The following MRAP2 variants were observed in gnomAD, a reference collection of about 807,000 sequenced individuals.
MRAP2 encodes the protein melanocortin-2 receptor accessory protein 2.
Under a neutral mutation model 17.4 loss-of-function variants are expected in MRAP2, and 20 were observed. That is an observed-to-expected ratio of 1.15 (90% confidence interval 0.81 to 1.67). The LOEUF is 1.67. MRAP2 is among the 40% of genes most tolerant of loss of function. The pLI, the probability that MRAP2 is intolerant of heterozygous loss-of-function variation, is 0.00. For synonymous variants in MRAP2, 96 were observed against 88.4 expected, an observed-to-expected ratio of 1.09 and a Z score of -0.48; for missense variants, 238 against 240.0, an observed-to-expected ratio of 0.99 and a Z score of 0.05.
the MRAP2 span, among the ~76,000 whole-genome samples, chr6:84,125,520 T>C: frequency 1.1e-4 from 17 of 152,072 alleles, no homozygotes; most frequent in African/African-American, 3.6e-4. Flanking sequence ...TGTGACTGTA[T>C]GTGGAGTAAG....
chr6:84,108,819 A>T, the MRAP2 span, among the ~76,000 whole-genome samples: 1 of 152,250 alleles, frequency 6.6e-6, no homozygotes, highest in East Asian at 1.9e-4. Context: ...ATTTACATTT[A>T]AGTCTTTAAT....
the MRAP2 span, among the ~76,000 whole-genome samples, chr6:84,106,911 G>A: frequency 9.1e-3 from 1,380 of 152,206 alleles, 15 homozygotes; most frequent in South Asian, 0.02. Context: ...TATGGTCAAG[G>A]GTTCAGTTTC....
intron 2 of MRAP2, among the ~76,000 whole-genome samples, chr6:84,056,755 A>G (rs2099491817): frequency 6.6e-6 from 1 of 152,188 alleles, no homozygotes; most frequent in Non-Finnish European, 1.5e-5. Flanking sequence ...CTGCTTGGTG[A>G]CATCAACTTT....
At chr6:84,100,798 A>G in the MRAP2 span, among the ~76,000 whole-genome samples, 1 of 152,196 alleles carries the variant, frequency 6.6e-6, no homozygotes, top group South Asian at 2.1e-4. Context: ...TAAACCTTTC[A>G]AGATCAGGAA....
At chr6:84,129,069 A>G in the MRAP2 span, among the ~76,000 whole-genome samples, 6 of 152,056 alleles carry the variant, frequency 3.9e-5, no homozygotes, top group Non-Finnish European at 8.8e-5. Context: ...TATGTGCCAC[A>G]TTGTCTTTAT....
chr6:84,055,506 C>G (rs1204343869), intron 2 of MRAP2, 61 bp downstream of exon 2: 2 of 1,515,824 alleles, frequency 1.3e-6, no homozygotes, highest in Non-Finnish European at 1.8e-6. Flanking sequence ...CTGTGAAATC[C>G]CCAAGGATTA....
At chr6:84,114,488 A>T in the MRAP2 span, among the ~76,000 whole-genome samples, 1 of 151,780 alleles carries the variant, frequency 6.6e-6, no homozygotes, top group East Asian at 1.9e-4. Flanking sequence ...ACCTTTTTTC[A>T]AGGTTCTTAG....
intron 1 of MRAP2, among the ~76,000 whole-genome samples, chr6:84,046,139 G>A (rs1256585788): frequency 1.3e-5 from 2 of 152,182 alleles, no homozygotes; most frequent in Non-Finnish European, 2.9e-5. Context: ...CCTTTATTGT[G>A]AAATTATATC....
At chr6:84,055,583 A>C in intron 2 of MRAP2, 138 bp downstream of exon 2, 2 of 815,860 alleles carry the variant, frequency 2.5e-6, no homozygotes, top group Non-Finnish European at 3.8e-6. Context: ...TCTACAAAAC[A>C]TCTCGCCTCC....
chr6:84,123,253 C>CAAAAAAAAAAAAAAAAAAAAAAAAAAAA, the MRAP2 span, among the ~76,000 whole-genome samples: 1 of 119,444 alleles, frequency 8.4e-6, no homozygotes, highest in South Asian at 2.7e-4. Flanking sequence ...CGCCCAACTC[C>CAAAAAAAAAAAAAAAAAAAAAAAAAAAA]AAAAAAAAAA....
chr6:84,065,036 A>G (rs796258811), intron 3 of MRAP2, among the ~76,000 whole-genome samples: 17 of 152,332 alleles, frequency 1.1e-4, no homozygotes, highest in Admixed American at 3.3e-4. Flanking sequence ...CGTAATCCCA[A>G]CAGTTCTGGA....
rs770690888 is a variant in MRAP2 at position 84,089,364 on chromosome 6, C to T, written c.501C>T (p.Pro167=). ...ACAGGCTCATGAAGTTTGACATCCC[C>T]AACTTTGTGAACACAGACCAGAACT... ...ELNRLMKFDI[P]NFVNTDQNYF... Residue 167 remains proline (P), a synonymous_variant, in exon 4 of 4, where the codon CCC becomes CCT. Coordinates refer to ENST00000257776, the MANE Select transcript of MRAP2 (RefSeq NM_138409.4). 5 of 1,614,064 alleles carry T rather than the reference C, an allele frequency of 3.1e-6. No homozygotes were observed. Among genetic ancestry groups the T allele is most frequent in the Non-Finnish European group, 4.2e-6 (5 of 1,180,030 alleles).
chr6:84,137,457 G>C, the MRAP2 span, among the ~76,000 whole-genome samples: 1 of 152,022 alleles, frequency 6.6e-6, no homozygotes, highest in Non-Finnish European at 1.5e-5. Flanking sequence ...ATTCTTATGA[G>C]TGGGCCACAA....
intron 2 of MRAP2, chr6:84,062,258 C>A: frequency 1.3e-5 from 4 of 305,008 alleles, no homozygotes; most frequent in Admixed American, 6.5e-5. Flanking sequence ...CTCAGCTAAT[C>A]ACAGCAGCTA....
At chr6:84,101,476 G>A in the MRAP2 span, among the ~76,000 whole-genome samples, 1 of 152,198 alleles carries the variant, frequency 6.6e-6, no homozygotes, top group Non-Finnish European at 1.5e-5. Flanking sequence ...CATTATGCAA[G>A]TGTGACACTC....
intron 3 of MRAP2, among the ~76,000 whole-genome samples, chr6:84,085,306 G>T (rs560612398): frequency 2.0e-5 from 3 of 151,964 alleles, no homozygotes; most frequent in African/African-American, 7.3e-5. Context: ...CGCCCTTCTC[G>T]GCCTCCCAAA....
chr6:84,076,581 A>G (rs1192924838), intron 3 of MRAP2, among the ~76,000 whole-genome samples: 1 of 152,090 alleles, frequency 6.6e-6, no homozygotes, highest in East Asian at 1.9e-4. Flanking sequence ...GCTGGTCCCA[A>G]ACTCCTGGCC....
the MRAP2 span, among the ~76,000 whole-genome samples, chr6:84,131,403 T>A: frequency 6.6e-6 from 1 of 152,188 alleles, no homozygotes; most frequent in African/African-American, 2.4e-5. Flanking sequence ...AATATCCTTG[T>A]TAACTTTCTG....
intron 1 of MRAP2, among the ~76,000 whole-genome samples, chr6:84,042,238 C>A (rs1028259739): frequency 6.6e-6 from 1 of 152,148 alleles, no homozygotes; most frequent in Non-Finnish European, 1.5e-5. Flanking sequence ...CTGTAAGTTT[C>A]CTGAGGCCTT....
Sources: allele counts gnomAD v4.1 joint callset (sites outside exome capture counted in the v4.1 genomes callset), GRCh38; gene constraint gnomAD v4.1.1; transcripts MANE v1.5; gene names NCBI Gene and HGNC (gene_info 2026-07-23, HGNC 2026-07-21).